MAP3K3: variants seen among roughly 807,000 people sequenced by gnomAD.
The protein encoded by MAP3K3 is MAP/ERK kinase kinase 3.
Under a neutral mutation model 80.9 loss-of-function variants are expected in MAP3K3, and 12 were observed. That is an observed-to-expected ratio of 0.15 (90% CI 0.10 to 0.24). The LOEUF (loss-of-function observed/expected upper bound fraction) is 0.24, where lower values mean the gene tolerates loss of function less well. Ranked by LOEUF, MAP3K3 falls within the 10% of genes least tolerant of loss-of-function variation. The pLI, the probability that MAP3K3 is intolerant of heterozygous loss-of-function variation, is 1.00. For missense variants in MAP3K3, 596 were observed against 834.7 expected, an observed-to-expected ratio of 0.71 and a Z score of 3.52; for synonymous variants, 272 against 307.1, an observed-to-expected ratio of 0.89 and a Z score of 1.19.
intron 2 of MAP3K3, chr17:63,636,902 C>G: frequency 2.1e-6 from 1 of 478,806 alleles, no homozygotes; most frequent in South Asian, 2.2e-5. Context: ...ACCAATATAG[C>G]CCAATTGGAG....
At position 63,695,777 on chromosome 17, in the gene MAP3K3, T is replaced by C. The variant is rs1409548651; in HGVS notation, c.*2000T>C. ...CCCTGGGGTCTTACCTCACTGGGAATGTGTTTTGAAAATGAATTTGAAGAC... is the reference window on the plus strand; with the variant it reads ...CCCTGGGGTCTTACCTCACTGGGAACGTGTTTTGAAAATGAATTTGAAGAC... On this transcript the variant is annotated 3_prime_UTR_variant, in exon 16 of 16. Coordinates refer to ENST00000361733, the MANE Select transcript of MAP3K3 (RefSeq NM_002401.5). This position sits in a 1 kb window ranked among gnomAD's most constrained non-coding sequence, Gnocchi z 4.1. 2.0e-5 allele frequency: 3 copies of C among 152,558 alleles called. No individual in the cohort carries two copies. The highest frequency in any genetic ancestry group is 7.2e-5 in the African/African-American group (3 of 41,446). The allele number at this position is 152,558 out of a possible 1,614,324, so 9.5% of individuals were successfully genotyped here. A position where few individuals can be genotyped will look rare whatever the true frequency, so the allele number is the denominator to read the frequency against.
chr17:63,652,393 G>A (rs776550432), intron 3 of MAP3K3, among the ~76,000 whole-genome samples, 164 bp from the exon 4 acceptor site: 3 of 152,074 alleles, frequency 2.0e-5, no homozygotes, highest in Non-Finnish European at 4.4e-5. Context: ...GAAAGGTAAC[G>A]GTAGAGAAGA....
chr17:63,632,588 C>T, intron 1 of MAP3K3, 93 bp from the exon 2 acceptor site: 2 of 1,442,738 alleles, frequency 1.4e-6, no homozygotes, highest in East Asian at 2.3e-5. Flanking sequence ...TTTACCTGGG[C>T]AGAACTCCCT....
intron 1 of MAP3K3, among the ~76,000 whole-genome samples, chr17:63,626,963 T>TA (rs1159503992): frequency 1.3e-5 from 2 of 152,134 alleles, no homozygotes; most frequent in African/African-American, 4.8e-5. Flanking sequence ...ATAACAATGT[T>TA]TATTAGAGAA....
At chr17:63,690,598 C>A in intron 12 of MAP3K3, 186 bp downstream of exon 12, 1 of 632,812 alleles carries the variant, frequency 1.6e-6, no homozygotes, top group Non-Finnish European at 2.7e-6. Flanking sequence ...CACCAAGCAC[C>A]TGGAGGGGAG....
At chr17:63,652,276 CT>C (rs2034671876) in intron 3 of MAP3K3, among the ~76,000 whole-genome samples, 1 of 152,080 alleles carries the variant, frequency 6.6e-6, no homozygotes, top group Non-Finnish European at 1.5e-5. Flanking sequence ...ATCTAGTGGC[CT>C]CTTCTGTCAT....
At chr17:63,685,449 A>G (rs930222805) in intron 7 of MAP3K3, 68 bp from the exon 8 acceptor site, 3 of 1,291,166 alleles carry the variant, frequency 2.3e-6, no homozygotes, top group East Asian at 2.3e-5. Context: ...GGCCCTTGCC[A>G]TAAAGCCTGG....
chr17:63,650,658 TAGAGAG>T (rs61412799), intron 3 of MAP3K3, among the ~76,000 whole-genome samples: 6,888 of 117,204 alleles, frequency 0.059, 477 homozygotes, highest in African/African-American at 0.18. Context: ...CTGTCTCTTA[TAGAGAG>T]AGAGAGAGAG....
intron 6 of MAP3K3, chr17:63,668,003 G>A (rs2035033137): frequency 2.0e-5 from 3 of 149,840 alleles, no homozygotes; most frequent in Admixed American, 1.3e-4. Context: ...GGAGTCTGGG[G>A]AGAAAGCCCC....
chr17:63,623,797 T>C (rs1253162608), intron 1 of MAP3K3, among the ~76,000 whole-genome samples: 1 of 152,224 alleles, frequency 6.6e-6, no homozygotes, highest in African/African-American at 2.4e-5. Flanking sequence ...AATAAAAGGG[T>C]AAACTTCAGT....
chr17:63,665,911 C>G (rs1016276538), intron 5 of MAP3K3, among the ~76,000 whole-genome samples: 1 of 152,232 alleles, frequency 6.6e-6, no homozygotes, highest in Non-Finnish European at 1.5e-5. Flanking sequence ...TTGTTTAGAT[C>G]GGACTTTTTT....
intron 2 of MAP3K3, 127 bp from the exon 3 acceptor site, chr17:63,645,907 G>T: frequency 1.4e-6 from 1 of 703,532 alleles, no homozygotes; most frequent in Non-Finnish European, 2.7e-6. Context: ...GGGAAGAGAA[G>T]CTGGACCAGG....
chr17:63,670,757 G>C (rs999481556), intron 6 of MAP3K3, among the ~76,000 whole-genome samples: 1 of 151,992 alleles, frequency 6.6e-6, no homozygotes, highest in Admixed American at 6.6e-5. Flanking sequence ...TGTTACAAGA[G>C]CAGAGACTTG....
At position 63,689,261 on chromosome 17, in the gene MAP3K3, C is replaced by T. The variant is rs1598122600; in HGVS notation, c.872-283C>T. 5 of 531,520 alleles carry T rather than the reference C, an allele frequency of 9.4e-6. No homozygotes were observed. In the East Asian group the frequency reaches 1.6e-4, roughly 17 times the overall value. The allele number at this position is 531,520 out of a possible 1,614,324, so 32.9% of individuals were successfully genotyped here. A position where few individuals can be genotyped will look rare whatever the true frequency, so the allele number is the denominator to read the frequency against. ...TGCAAGCAATTGGGAGCCTGTTGGC[C>T]AGCCATACACCTTCCCTTTGGCCAG... On this transcript the variant is annotated intron_variant, in intron 10 of 15. Transcript: ENST00000361733. The surrounding 1 kb of genome is among the most constrained non-coding windows in gnomAD (Gnocchi z 4.3).
intron 5 of MAP3K3, among the ~76,000 whole-genome samples, chr17:63,663,036 GT>G (rs1179168045): frequency 6.6e-6 from 1 of 151,960 alleles, no homozygotes; most frequent in Non-Finnish European, 1.5e-5. Context: ...TGCCTCCACG[GT>G]TGGAAATCAT....
intron 7 of MAP3K3, 97 bp downstream of exon 7, chr17:63,681,996 C>T: frequency 9.0e-7 from 1 of 1,110,836 alleles, no homozygotes; most frequent in Non-Finnish European, 1.2e-6. Context: ...AACTGAGGGA[C>T]ATGAACCCCA....
rs906936491 is a variant in MAP3K3, at chr17:63,689,413, C to A, written c.872-131C>A. 2 of 714,876 alleles carry A rather than the reference C, an allele frequency of 2.8e-6. No homozygotes were observed. Among genetic ancestry groups the A allele is most frequent in the African/African-American group, 3.6e-5 (2 of 56,138 alleles). The allele number at this position is 714,876 out of a possible 1,614,324, so 44.3% of individuals were successfully genotyped here. On this transcript the variant is annotated intron_variant, in intron 10 of 15. Coordinates refer to ENST00000361733, the MANE Select transcript of MAP3K3 (RefSeq NM_002401.5). The surrounding 1 kb of genome is among the most constrained non-coding windows in gnomAD (Gnocchi z 4.3). ...CGGGATGGGCTGGAGCTGGTATTAT[C>A]TATCACTTCTGGCTGAGACCTGGTT...
At chr17:63,624,051 G>A (rs1253225422) in intron 1 of MAP3K3, among the ~76,000 whole-genome samples, 2 of 152,140 alleles carry the variant, frequency 1.3e-5, no homozygotes, top group African/African-American at 2.4e-5. Context: ...TTCATTTGCT[G>A]GGCTTACTGT....
intron 6 of MAP3K3, among the ~76,000 whole-genome samples, chr17:63,678,231 G>A (rs1726036197): frequency 6.6e-6 from 1 of 152,132 alleles, no homozygotes. Flanking sequence ...GGTTAAATGA[G>A]AGGTGACAAT....
Sources: allele counts gnomAD v4.1 joint callset (sites outside exome capture counted in the v4.1 genomes callset), GRCh38; gene constraint gnomAD v4.1.1; non-coding constraint Gnocchi (gnomAD v3.1); transcripts MANE v1.5; gene names NCBI Gene and HGNC (gene_info 2026-07-23, HGNC 2026-07-21).